The following PRRT1B variants were observed in gnomAD, a reference collection of about 807,000 sequenced individuals.
The protein encoded by PRRT1B is proline rich transmembrane protein 1B, also known as dispanin subfamily D member 2.
At chr9:131,559,267 G>A (rs1379365291), downstream of PRRT1B, among the ~76,000 whole-genome samples, 1 of 152,196 alleles carries the variant, frequency 6.6e-6, no homozygotes, top group Non-Finnish European at 1.5e-5. Flanking sequence ...ACATGGCGAA[G>A]TCCTGTCTCT....
intron 2 of PRRT1B, among the ~76,000 whole-genome samples, 158 bp downstream of exon 2, chr9:131,555,187 G>T (rs1008671819): frequency 2.0e-5 from 3 of 152,264 alleles, no homozygotes; most frequent in Admixed American, 1.3e-4. Context: ...TTTGGAGGAT[G>T]AATAGGAGGG....
In PRRT1B at chr9:131,556,052, G is replaced by A. The variant is rs903714851; in HGVS notation, c.499-18G>A. 8 of 400,804 alleles carry A rather than the reference G, an allele frequency of 2.0e-5. No individual in the cohort carries two copies. The highest frequency in any genetic ancestry group is 1.4e-4 in the African/African-American group (7 of 48,842). The allele number at this position is 400,804 out of a possible 1,614,324, so 24.8% of individuals were successfully genotyped here. ...AGGCTGGGCCAGCTCCCTCACCACT[G>A]TGGCTCTGCCCCCACAGTACAATGG... On this transcript the variant is annotated intron_variant, in intron 2 of 3. Coordinates refer to ENST00000636672, the Ensembl canonical transcript of PRRT1B.
At chr9:131,557,730 G>T (rs751459527) in intron 3 of PRRT1B, among the ~76,000 whole-genome samples, 3 of 152,228 alleles carry the variant, frequency 2.0e-5, no homozygotes, top group Non-Finnish European at 4.4e-5. Flanking sequence ...TTAGTGTTGT[G>T]ACCCTGGATA....
intron 1 of PRRT1B, among the ~76,000 whole-genome samples, chr9:131,549,100 A>G (rs1225987356): frequency 6.6e-6 from 1 of 152,126 alleles, no homozygotes; most frequent in African/African-American, 2.4e-5. Flanking sequence ...TTATTACCCA[A>G]TCCGCTCCCG....
Position 131,551,816 on chromosome 9 carries a change from C to A in PRRT1B, c.26-2741C>A, listed in dbSNP as rs1951014308. 6.6e-6 allele frequency among the ~76,000 whole-genome samples: 1 copy of A among 151,852 alleles called. No individual in the cohort carries two copies. The highest frequency in any genetic ancestry group is 1.5e-5 in the Non-Finnish European group (1 of 67,944). ...ACCTACGCAAATCCTATAAGACGGC[C>A]CACCCCATCTCCCTTCGCTGACTCT... On this transcript the variant is annotated intron_variant, in intron 1 of 3. Coordinates refer to ENST00000636672, the Ensembl canonical transcript of PRRT1B. The surrounding 1 kb of genome is among the most constrained non-coding windows in gnomAD (Gnocchi z 4.4).
intron 1 of PRRT1B, among the ~76,000 whole-genome samples, chr9:131,549,104 G>A (rs1404993416): frequency 6.6e-6 from 1 of 151,854 alleles, no homozygotes; most frequent in South Asian, 2.1e-4. Flanking sequence ...TACCCAATCC[G>A]CTCCCGACAT....
At chr9:131,557,110 T>A (rs1186177758) in intron 3 of PRRT1B, among the ~76,000 whole-genome samples, 1 of 151,886 alleles carries the variant, frequency 6.6e-6, no homozygotes, top group Non-Finnish European at 1.5e-5. Flanking sequence ...ATCCATCTAC[T>A]CATCCATACA....
rs1256962382 is a variant in PRRT1B at position 131,545,667 on chromosome 9, A to G, written c.25+27A>G. 1.4e-3 allele frequency: 521 copies of G among 383,678 alleles called. 1 individual carries two copies. Among genetic ancestry groups the G allele is most frequent in the African/African-American group, 0.01 (415 of 39,826 alleles). The allele number at this position is 383,678 out of a possible 1,614,324, so 23.8% of individuals were successfully genotyped here. On this transcript the variant is annotated intron_variant, in intron 1 of 3. Transcript: ENST00000636672. ...TGCCGGAGGGGCAGGTGCTGGTGGG[A>G]CAGGTACTGGCGGGGCAGGTACTGG...
exon 3 of PRRT1B, chr9:131,556,074 A>G (rs1347362948): frequency 7.5e-6 from 3 of 400,896 alleles, no homozygotes; most frequent in South Asian, 1.3e-4. Context: ...CCACAGTACA[A>G]TGGCCCGATG....
At chr9:131,549,713 C>A (rs1950998217) in intron 1 of PRRT1B, among the ~76,000 whole-genome samples, 2 of 152,198 alleles carry the variant, frequency 1.3e-5, no homozygotes, top group Admixed American at 1.3e-4. Context: ...CCTTTGCCTC[C>A]ATAACTGTTG....
At position 131,547,169 on chromosome 9, in the gene PRRT1B, T is replaced by A. The variant is rs150288433; in HGVS notation, c.25+1529T>A. Among the ~76,000 whole-genome samples, 553 of 149,902 alleles carry A rather than the reference T, an allele frequency of 3.7e-3. 14 individuals are homozygous for A. The highest frequency in any genetic ancestry group is 3.6e-3 in the East Asian group (18 of 5,038). On this transcript the variant is annotated intron_variant, in intron 1 of 3. Transcript: ENST00000636672. ...TCACTGCAACCTCCTTTTCCCAGGT[T>A]CAAGGGATTCTCCCTCCCAAGTAGC...
intron 1 of PRRT1B, among the ~76,000 whole-genome samples, chr9:131,547,065 C>CTTTTTGTTTT (rs1950980987): frequency 9.9e-6 from 1 of 100,804 alleles, no homozygotes; most frequent in Non-Finnish European, 1.8e-5. Flanking sequence ...CTCCTGTTCG[C>CTTTTTGTTTT]TTTTTTTTTT....
chr9:131,558,679 G>C (rs187115985), downstream of PRRT1B: 9 of 152,868 alleles, frequency 5.9e-5, no homozygotes, highest in Admixed American at 1.3e-4. Flanking sequence ...CTTTCCCTGC[G>C]GGAGAGTGGA....
In PRRT1B at chr9:131,547,482, G is replaced by A. The variant is rs4740269; in HGVS notation, c.25+1842G>A. Among the ~76,000 whole-genome samples the A allele has an allele frequency of 3.6e-3, 542 of 151,978 alleles. 3 individuals carry two copies. The highest frequency in any genetic ancestry group is 0.012 in the African/African-American group (500 of 41,430). On this transcript the variant is annotated intron_variant, in intron 1 of 3. Coordinates refer to ENST00000636672, the Ensembl canonical transcript of PRRT1B. ...TTGACTGTAATTTTCCTTTACCTACGCAAATCCTATAAAACGGCCCCACCC... is the reference window on the plus strand; with the variant it reads ...TTGACTGTAATTTTCCTTTACCTACACAAATCCTATAAAACGGCCCCACCC...
chr9:131,557,635 A>G (rs372538152), intron 3 of PRRT1B, among the ~76,000 whole-genome samples: 1 of 152,366 alleles, frequency 6.6e-6, no homozygotes, highest in African/African-American at 2.4e-5. Flanking sequence ...TCAAGCCCCC[A>G]GCCATAAGCA....
chr9:131,550,939 C>CTTTT (rs546049217), intron 1 of PRRT1B, among the ~76,000 whole-genome samples: 56 of 75,718 alleles, frequency 7.4e-4, no homozygotes, highest in South Asian at 1.5e-3. Flanking sequence ...TTTTCTTTTT[C>CTTTT]TTTTTTTTTT....
At chr9:131,556,024 C>T (rs746514733) in intron 2 of PRRT1B, 46 bp from the exon 3 acceptor site, 60 of 399,998 alleles carry the variant, frequency 1.5e-4, no homozygotes, top group Non-Finnish European at 2.1e-4. Context: ...CTCTGTTGTC[C>T]AGAGGCTGGG....
chr9:131,549,103 C>G (rs568258881), intron 1 of PRRT1B, among the ~76,000 whole-genome samples: 3 of 152,052 alleles, frequency 2.0e-5, no homozygotes, highest in African/African-American at 7.3e-5. Context: ...TTACCCAATC[C>G]GCTCCCGACA....
In PRRT1B at chr9:131,551,495, T is replaced by C. The variant is rs147446774; in HGVS notation, c.26-3062T>C. Among the ~76,000 whole-genome samples, 84 of 151,902 alleles carry C rather than the reference T, an allele frequency of 5.5e-4. No individual in the cohort carries two copies. The East Asian group carries it at 0.014, about 25-fold the overall frequency. On this transcript the variant is annotated intron_variant, in intron 1 of 3. Transcript: ENST00000636672. This position sits in a 1 kb window ranked among gnomAD's most constrained non-coding sequence, Gnocchi z 4.4. ...GCCCCAACACTTCAACATTATTTTGTTTTATTTTTCTAATTAATATAAGAA... is the reference window on the plus strand; with the variant it reads ...GCCCCAACACTTCAACATTATTTTGCTTTATTTTTCTAATTAATATAAGAA...
Sources: gnomAD v4.1 joint callset for allele counts (sites outside exome capture counted in the v4.1 genomes callset) on GRCh38, gnomAD v4.1.1 for gene constraint, Gnocchi (gnomAD v3.1) non-coding constraint, MANE v1.5 for transcripts, NCBI Gene and HGNC (gene_info 2026-07-23, HGNC 2026-07-21) for gene names.